The following PBX3 variants were observed in gnomAD, a reference collection of about 807,000 sequenced individuals.
PBX3 encodes pre-B-cell leukemia transcription factor 3.
Under a neutral mutation model 48.5 loss-of-function variants are expected in PBX3, and 14 were observed. The observed-to-expected ratio is 0.29, with a 90% CI of 0.19 to 0.45. The LOEUF is 0.45. PBX3 is among the 20% of genes least tolerant of loss of function. The pLI is 1.00. For missense variants in PBX3, 386 were observed against 546.7 expected (o/e 0.71, Z 2.93); for synonymous variants, 210 against 200.3 (o/e 1.05, Z -0.41).
At chr9:125,800,369 T>A (rs1021710830) in intron 2 of PBX3, among the ~76,000 whole-genome samples, 4 of 152,236 alleles carry the variant, frequency 2.6e-5, no homozygotes, top group Non-Finnish European at 4.4e-5. Flanking sequence ...GTATATATTC[T>A]ACTAAGAAAC....
At chr9:125,799,333 C>T (rs1330386778) in intron 2 of PBX3, among the ~76,000 whole-genome samples, 1 of 152,010 alleles carries the variant, frequency 6.6e-6, no homozygotes, top group East Asian at 1.9e-4. Context: ...GGCAACATGG[C>T]GAAACTCCGT....
At chr9:125,916,903 G>A (rs1383090322) in intron 3 of PBX3, among the ~76,000 whole-genome samples, 4 of 152,074 alleles carry the variant, frequency 2.6e-5, no homozygotes, top group Admixed American at 6.5e-5. Context: ...GTATTAGATT[G>A]AACCCTATGA....
Position 125,934,378 on chromosome 9 carries a change from T to C in PBX3, c.708-1094T>C, listed in dbSNP as rs535955733. 5.9e-5 allele frequency among the ~76,000 whole-genome samples: 9 copies of C among 152,320 alleles called. No homozygotes were observed. In the South Asian group the frequency reaches 1.9e-3, roughly 32 times the overall value. On this transcript the variant is annotated intron_variant, in intron 4 of 8. Transcript: ENST00000373489. ...CACAATTGAGAAGAATTAAGATTAT[T>C]TGGAAGAAAGTATTAAGAAAATTAT... is the stretch of plus-strand genomic sequence containing the variant.
chr9:125,771,246 C>T (rs1460684053), intron 2 of PBX3, among the ~76,000 whole-genome samples: 1 of 152,196 alleles, frequency 6.6e-6, no homozygotes, highest in Non-Finnish European at 1.5e-5. Flanking sequence ...TACAGGTAGA[C>T]ACAACATCCC....
intron 2 of PBX3, among the ~76,000 whole-genome samples, chr9:125,875,123 T>C (rs1038623342): frequency 2.6e-5 from 4 of 152,180 alleles, no homozygotes; most frequent in African/African-American, 9.6e-5. Context: ...AGAGTTTCTT[T>C]GGGGATACAT....
At chr9:125,917,982 T>C (rs1841371466) in intron 3 of PBX3, among the ~76,000 whole-genome samples, 1 of 152,180 alleles carries the variant, frequency 6.6e-6, no homozygotes, top group African/African-American at 2.4e-5. Context: ...TAAGTCATGG[T>C]TGAAAAGGTT....
intron 5 of PBX3, among the ~76,000 whole-genome samples, chr9:125,939,876 A>G (rs1287878370): frequency 6.6e-6 from 1 of 152,148 alleles, no homozygotes; most frequent in African/African-American, 2.4e-5. Flanking sequence ...GGAGACATAT[A>G]TGTGGTTAAA....
chr9:125,877,472 A>G (rs1840282738), intron 2 of PBX3, among the ~76,000 whole-genome samples: 1 of 152,226 alleles, frequency 6.6e-6, no homozygotes, highest in Non-Finnish European at 1.5e-5. Context: ...TGTTGTGTAT[A>G]TCAAAGAGCT....
At chr9:125,757,662 C>T (rs1391939094) in intron 2 of PBX3, among the ~76,000 whole-genome samples, 1 of 152,102 alleles carries the variant, frequency 6.6e-6, no homozygotes, top group Non-Finnish European at 1.5e-5. Context: ...TCTGTGGCTT[C>T]ATGGATGTAT....
chr9:125,964,093 A>G (rs1389170101), intron 8 of PBX3, among the ~76,000 whole-genome samples: 1 of 152,220 alleles, frequency 6.6e-6, no homozygotes, highest in Non-Finnish European at 1.5e-5. Flanking sequence ...ATAAAATATG[A>G]AACTGTGATT....
At chr9:125,911,356 C>T (rs10987024) in intron 2 of PBX3, among the ~76,000 whole-genome samples, 9,062 of 152,120 alleles carry the variant, frequency 0.06, 627 homozygotes, top group East Asian at 0.17. Context: ...TTGGGTTACA[C>T]TTCTCAAACT....
chr9:125,787,481 AGG>A (rs1837488424), intron 2 of PBX3, among the ~76,000 whole-genome samples: 1 of 152,156 alleles, frequency 6.6e-6, no homozygotes, highest in Non-Finnish European at 1.5e-5. Context: ...GACTCAGCTG[AGG>A]TTGGAGACTG....
chr9:125,796,671 C>G (rs902349173), intron 2 of PBX3, among the ~76,000 whole-genome samples: 2 of 152,112 alleles, frequency 1.3e-5, no homozygotes, highest in African/African-American at 4.8e-5. Context: ...AGCCCATCCA[C>G]TCCAAGGAGA....
At chr9:125,918,265 A>G (rs766281123) in intron 3 of PBX3, among the ~76,000 whole-genome samples, 11 of 152,190 alleles carry the variant, frequency 7.2e-5, no homozygotes, top group African/African-American at 2.4e-4. Flanking sequence ...GTGTCAGTCA[A>G]TGACAAGGTC....
intron 2 of PBX3, among the ~76,000 whole-genome samples, chr9:125,837,002 G>T (rs9644950): frequency 0.04 from 6,132 of 152,240 alleles, 301 homozygotes; most frequent in East Asian, 0.17. Flanking sequence ...ATATCACCAT[G>T]CTTTGTCCTA....
intron 2 of PBX3, among the ~76,000 whole-genome samples, chr9:125,863,764 AC>A (rs1270362205): frequency 1.3e-5 from 2 of 152,112 alleles, no homozygotes; most frequent in Non-Finnish European, 2.9e-5. Flanking sequence ...TTTCTATCTC[AC>A]ACAATTTTCC....
chr9:125,962,392 T>C (rs1035613605), intron 7 of PBX3, among the ~76,000 whole-genome samples, 178 bp downstream of exon 7: 1 of 152,180 alleles, frequency 6.6e-6, no homozygotes, highest in Non-Finnish European at 1.5e-5. Context: ...AACAGTGACT[T>C]GTGATGATTC....
rs746779624 is a variant in PBX3, at chr9:125,960,807, G to A, written c.967G>A (p.Val323Met). 2 of 1,614,192 alleles carry A rather than the reference G, an allele frequency of 1.2e-6. No individual in the cohort carries two copies. Among genetic ancestry groups the A allele is most frequent in the South Asian group, 1.1e-5 (1 of 91,084 alleles). ...VTAAHAVAAAVQNNQTNSPTT... is the reference protein window; with the variant it reads ...VTAAHAVAAAMQNNQTNSPTT... ...AGCTGCACACGCAGTAGCAGCAGCT[G>A]TGCAGAACAACCAGACCAATTCGCC... The change falls in exon 6 of 9, where the codon GTG (valine) becomes ATG (methionine). Residue 323 changes from valine (V) to methionine (M), a missense_variant. Physicochemically the swap from Val to Met is conservative, Grantham distance 21 (BLOSUM62 1). This residue lies in a region of PBX3 where 127 missense variants were observed against 143.3 expected (regional missense o/e 0.89). Transcript: ENST00000373489.
At chr9:125,859,565 T>G (rs1839809324) in intron 2 of PBX3, among the ~76,000 whole-genome samples, 1 of 152,228 alleles carries the variant, frequency 6.6e-6, no homozygotes, top group Non-Finnish European at 1.5e-5. Flanking sequence ...AAACTGAGGC[T>G]CAGAGAAGTG....
Sources: allele counts gnomAD v4.1 joint callset (sites outside exome capture counted in the v4.1 genomes callset), GRCh38; gene constraint gnomAD v4.1.1; regional missense constraint gnomAD v4.1.1; transcripts MANE v1.5; gene names NCBI Gene and HGNC (gene_info 2026-07-23, HGNC 2026-07-21).